WDR37: variants seen among roughly 807,000 people sequenced by gnomAD.
The protein encoded by WDR37 is WD repeat domain 37.
A neutral mutation model predicts 62.9 loss-of-function variants in WDR37; 19 were observed. The observed-to-expected ratio is 0.30, with a 90% CI of 0.21 to 0.44. The LOEUF (loss-of-function observed/expected upper bound fraction) is 0.44, where lower values mean the gene tolerates loss of function less well. WDR37 is among the 20% of genes least tolerant of loss of function. WDR37 has a pLI of 1.00. For synonymous variants in WDR37, 250 were observed against 260.9 expected (o/e 0.96, Z 0.40); for missense variants, 474 against 657.6 (o/e 0.72, Z 3.05).
At position 1,130,540 on chromosome 10, in the gene WDR37, A is replaced by C. The variant is rs1212687269; in HGVS notation, c.*1196A>C. The C allele has an allele frequency of 1.3e-5, 2 of 152,384 alleles. No homozygotes were observed. The highest frequency in any genetic ancestry group is 2.9e-5 in the Non-Finnish European group (2 of 68,066). 9.4% of individuals were successfully genotyped at this position (152,384 alleles called of 1,614,324 possible). A position where few individuals can be genotyped will look rare whatever the true frequency, so the allele number is the denominator to read the frequency against. On this transcript the variant is annotated 3_prime_UTR_variant, in exon 14 of 14. Coordinates refer to ENST00000263150, the MANE Select transcript of WDR37 (RefSeq NM_014023.4). ...CTTGCCTTCTTGGAAATTACTGCTC[A>C]CCTGGTATCTGTACGTTAATGTTTC...
In WDR37 at chr10:1,132,135, T is replaced by A. The variant is rs923775745; in HGVS notation, c.*2791T>A. ...TGTCTTCATTGCAATATGAAATTCA[T>A]TAAAATGTCCATGTTCCATAATTAC... On this transcript the variant is annotated 3_prime_UTR_variant, in exon 14 of 14. Coordinates refer to ENST00000263150, the MANE Select transcript of WDR37 (RefSeq NM_014023.4). 1 of 152,670 alleles carries A rather than the reference T, an allele frequency of 6.6e-6. No homozygotes were observed. The highest frequency in any genetic ancestry group is 1.5e-5 in the Non-Finnish European group (1 of 68,042). The allele number at this position is 152,670 out of a possible 1,614,324, so 9.5% of individuals were successfully genotyped here.
At chr10:1,067,593 T>C (rs898949373) in intron 1 of WDR37, among the ~76,000 whole-genome samples, 4 of 152,112 alleles carry the variant, frequency 2.6e-5, no homozygotes, top group African/African-American at 9.7e-5. Context: ...AATAATACTG[T>C]TAGAAAATGG....
intron 11 of WDR37, among the ~76,000 whole-genome samples, chr10:1,110,278 C>T (rs1275173817): frequency 6.6e-6 from 1 of 152,144 alleles, no homozygotes; most frequent in South Asian, 2.1e-4. Flanking sequence ...GAGCCGTGGA[C>T]GCCTTTATTG....
intron 11 of WDR37, among the ~76,000 whole-genome samples, chr10:1,115,634 C>T (rs1208693161): frequency 6.6e-6 from 1 of 152,232 alleles, no homozygotes; most frequent in Non-Finnish European, 1.5e-5. Flanking sequence ...ATGCAGGTGT[C>T]AGCTTGGGTG....
At chr10:1,098,168 G>A (rs1834658577) in intron 9 of WDR37, among the ~76,000 whole-genome samples, 1 of 152,066 alleles carries the variant, frequency 6.6e-6, no homozygotes, top group Non-Finnish European at 1.5e-5. Context: ...TTGGAGATGG[G>A]GCCTCTGAGA....
chr10:1,072,361 C>T lies in WDR37; in HGVS notation c.138+68C>T, dbSNP rs191792429. ...TGAGACAGAGTTTCGCTCGTTTCCCCGGCTGGAGTGCGATGGTGCGATCTC... is the reference window on the plus strand; with the variant it reads ...TGAGACAGAGTTTCGCTCGTTTCCCTGGCTGGAGTGCGATGGTGCGATCTC... On this transcript the variant is annotated intron_variant, in intron 2 of 13. Transcript: ENST00000263150. 5.1e-4 allele frequency: 804 copies of T among 1,584,480 alleles called. 3 individuals carry two copies. In the East Asian group the frequency reaches 6.4e-3, roughly 13 times the overall value.
intron 1 of WDR37, among the ~76,000 whole-genome samples, chr10:1,063,344 C>T (rs2131603923): frequency 6.6e-6 from 1 of 152,330 alleles, no homozygotes; most frequent in East Asian, 1.9e-4. Flanking sequence ...ATGGTAAGTA[C>T]TTTCCTCCAG....
intron 9 of WDR37, among the ~76,000 whole-genome samples, chr10:1,102,946 A>C (rs1193943689): frequency 6.6e-6 from 1 of 152,192 alleles, no homozygotes; most frequent in Non-Finnish European, 1.5e-5. Flanking sequence ...GCATGTGTGC[A>C]TGTCAGAAGC....
chr10:1,089,181 C>A (rs1464338853), intron 7 of WDR37, among the ~76,000 whole-genome samples: 1 of 152,058 alleles, frequency 6.6e-6, no homozygotes, highest in Non-Finnish European at 1.5e-5. Context: ...TGTCCGCCCT[C>A]ATGCCCAGTT....
chr10:1,066,053 A>G (rs1833528880), intron 1 of WDR37, among the ~76,000 whole-genome samples: 3 of 152,230 alleles, frequency 2.0e-5, no homozygotes, highest in Non-Finnish European at 2.9e-5. Context: ...AAAGTACAGT[A>G]TCATTTAAAC....
intron 11 of WDR37, among the ~76,000 whole-genome samples, chr10:1,113,375 A>G (rs1389399148): frequency 6.6e-6 from 1 of 152,212 alleles, no homozygotes; most frequent in Non-Finnish European, 1.5e-5. Context: ...AAGGAGATGA[A>G]TGGTGTTTTC....
At chr10:1,089,349 A>G (rs1321079837) in intron 7 of WDR37, among the ~76,000 whole-genome samples, 1 of 152,004 alleles carries the variant, frequency 6.6e-6, no homozygotes, top group African/African-American at 2.4e-5. Context: ...TGCGTCAGCT[A>G]GTGGGGCTTC....
chr10:1,059,548 C>G (rs1833306975), intron 1 of WDR37, among the ~76,000 whole-genome samples: 1 of 152,030 alleles, frequency 6.6e-6, no homozygotes, highest in African/African-American at 2.4e-5. Flanking sequence ...CCTGTAATCC[C>G]AGCACTTTGG....
chr10:1,092,161 C>T (rs941690598), intron 7 of WDR37, among the ~76,000 whole-genome samples: 15 of 120,934 alleles, frequency 1.2e-4, no homozygotes, highest in African/African-American at 4.6e-4. Context: ...ACCTGGGAGA[C>T]ACAGCGAGAC....
intron 1 of WDR37, among the ~76,000 whole-genome samples, chr10:1,071,767 G>C (rs1030873844): frequency 1.3e-5 from 2 of 152,192 alleles, no homozygotes. Flanking sequence ...CATGAGTCTA[G>C]AATGTGTAGT....
chr10:1,070,984 G>T (rs1337734856), intron 1 of WDR37, among the ~76,000 whole-genome samples: 1 of 152,172 alleles, frequency 6.6e-6, no homozygotes, highest in Non-Finnish European at 1.5e-5. Flanking sequence ...AAGAGGGCTG[G>T]GCACACCAGA....
intron 9 of WDR37, among the ~76,000 whole-genome samples, chr10:1,101,233 A>G (rs1834788830): frequency 1.3e-5 from 2 of 152,156 alleles, no homozygotes; most frequent in Non-Finnish European, 2.9e-5. Context: ...ACTTCTGAAC[A>G]ACAGATCCGT....
chr10:1,119,746 T>C (rs1237176594), intron 11 of WDR37, among the ~76,000 whole-genome samples: 1 of 152,268 alleles, frequency 6.6e-6, no homozygotes, highest in African/African-American at 2.4e-5. Context: ...CTCCTCCTCT[T>C]CTGCACACTG....
intron 1 of WDR37, among the ~76,000 whole-genome samples, chr10:1,064,071 C>T (rs886458954): frequency 6.6e-5 from 10 of 152,026 alleles, no homozygotes; most frequent in African/African-American, 2.4e-4. Context: ...AATTAACATT[C>T]GAGACAAACG....
Sources: gnomAD v4.1 joint callset for allele counts (sites outside exome capture counted in the v4.1 genomes callset) on GRCh38, gnomAD v4.1.1 for gene constraint, MANE v1.5 for transcripts, NCBI Gene and HGNC (gene_info 2026-07-23, HGNC 2026-07-21) for gene names.